SH3RF3: variants seen among roughly 807,000 people sequenced by gnomAD.
SH3RF3 encodes the protein E3 ubiquitin-protein ligase SH3RF3.
Under a neutral mutation model 66.3 loss-of-function variants are expected in SH3RF3, and 29 were observed. The observed-to-expected ratio is 0.44, with a 90% CI of 0.33 to 0.60. The LOEUF (loss-of-function observed/expected upper bound fraction) is 0.60. Among genes scored for constraint, SH3RF3 ranks in the 20% least tolerant of loss-of-function variants. SH3RF3 has a pLI of 0.04. For missense variants in SH3RF3, 1,194 were observed against 1,190.9 expected, an observed-to-expected ratio of 1.00 and a Z score of -0.04; for synonymous variants, 583 against 532.0, an observed-to-expected ratio of 1.10 and a Z score of -1.32.
chr2:109,272,257 C>A (rs941153917), intron 1 of SH3RF3, among the ~76,000 whole-genome samples: 4 of 152,236 alleles, frequency 2.6e-5, no homozygotes, highest in Non-Finnish European at 5.9e-5. Context: ...TAGGTGAAAT[C>A]TCTAGCAATT....
chr2:109,201,537 TC>T (rs1678676520), intron 1 of SH3RF3, among the ~76,000 whole-genome samples: 1 of 152,262 alleles, frequency 6.6e-6, no homozygotes, highest in South Asian at 2.1e-4. Context: ...GGGTCTCCCC[TC>T]CCTGGTTTGG....
intron 1 of SH3RF3, among the ~76,000 whole-genome samples, chr2:109,202,048 CT>C (rs1678687933): frequency 6.6e-6 from 1 of 151,464 alleles, no homozygotes; most frequent in Non-Finnish European, 1.5e-5. Flanking sequence ...TGGAGCCTGG[CT>C]GGGTCTCGTG....
chr2:109,391,697 G>C (rs1676002291), intron 3 of SH3RF3, among the ~76,000 whole-genome samples: 1 of 152,194 alleles, frequency 6.6e-6, no homozygotes, highest in Non-Finnish European at 1.5e-5. Flanking sequence ...TTGTCCACAG[G>C]CCTCTGAGGC....
intron 1 of SH3RF3, among the ~76,000 whole-genome samples, chr2:109,322,817 AATCTCCCCAC>A (rs1682058052): frequency 6.6e-6 from 1 of 152,240 alleles, no homozygotes; most frequent in Non-Finnish European, 1.5e-5. Context: ...GGTGCCTGCA[AATCTCCCCAC>A]ATCAGGATAT....
At chr2:109,281,153 T>A (rs947144602) in intron 1 of SH3RF3, among the ~76,000 whole-genome samples, 1 of 151,948 alleles carries the variant, frequency 6.6e-6, no homozygotes, top group Non-Finnish European at 1.5e-5. Context: ...GGAAATGGAG[T>A]GCCACCTGCA....
intron 1 of SH3RF3, among the ~76,000 whole-genome samples, chr2:109,327,754 TTA>T (rs1682191755): frequency 1.3e-5 from 2 of 152,272 alleles, no homozygotes; most frequent in South Asian, 4.1e-4. Flanking sequence ...GTATTTTTAA[TTA>T]TATATTTTAG....
intron 6 of SH3RF3, among the ~76,000 whole-genome samples, chr2:109,436,629 AG>A (rs1326347970): frequency 1.3e-5 from 2 of 152,250 alleles, no homozygotes; most frequent in Non-Finnish European, 2.9e-5. Flanking sequence ...GTGGTATAAA[AG>A]ATTTCGTTCA....
chr2:109,400,835 C>T (rs1195047390), intron 4 of SH3RF3, among the ~76,000 whole-genome samples: 2 of 152,224 alleles, frequency 1.3e-5, no homozygotes, highest in East Asian at 3.9e-4. Flanking sequence ...TGGATGCTCC[C>T]ACAGCCTGTG....
intron 1 of SH3RF3, among the ~76,000 whole-genome samples, chr2:109,175,669 A>G (rs571606585): frequency 1.3e-5 from 2 of 152,354 alleles, no homozygotes; most frequent in African/African-American, 4.8e-5. Context: ...AATCAGTAAT[A>G]GGACACATTT....
intron 4 of SH3RF3, among the ~76,000 whole-genome samples, chr2:109,400,341 T>G (rs1251338835): frequency 6.6e-6 from 1 of 151,950 alleles, no homozygotes; most frequent in Non-Finnish European, 1.5e-5. Context: ...CACCCACACA[T>G]GTGCACTTAC....
intron 7 of SH3RF3, among the ~76,000 whole-genome samples, chr2:109,447,234 C>T (rs1055206028): frequency 1.3e-5 from 2 of 151,128 alleles, no homozygotes; most frequent in African/African-American, 4.9e-5. Context: ...TGTATTTCAC[C>T]TCGTAGAAAC....
intron 8 of SH3RF3, among the ~76,000 whole-genome samples, chr2:109,481,775 C>T (rs980364150): frequency 3.9e-5 from 6 of 152,180 alleles, no homozygotes; most frequent in Non-Finnish European, 7.4e-5. Context: ...TCGGCCTCCC[C>T]TCTGCACCGA....
intron 2 of SH3RF3, among the ~76,000 whole-genome samples, chr2:109,360,944 T>G (rs1683040729): frequency 6.6e-6 from 1 of 152,238 alleles, no homozygotes; most frequent in South Asian, 2.1e-4. Context: ...TTTCTCGTAA[T>G]TAGGTGAACT....
chr2:109,427,299 C>T (rs919624813), intron 5 of SH3RF3, among the ~76,000 whole-genome samples: 29 of 151,272 alleles, frequency 1.9e-4, no homozygotes, highest in Non-Finnish European at 4.1e-4. Context: ...AAGGTACTTA[C>T]ATTTTTTTAG....
At chr2:109,424,887 A>G (rs1365460201) in intron 5 of SH3RF3, among the ~76,000 whole-genome samples, 1 of 152,194 alleles carries the variant, frequency 6.6e-6, no homozygotes. Flanking sequence ...AACATCTCTC[A>G]CTTTAAGTCA....
chr2:109,321,080 C>A (rs1305170138), intron 1 of SH3RF3, among the ~76,000 whole-genome samples: 2 of 152,186 alleles, frequency 1.3e-5, no homozygotes, highest in African/African-American at 4.8e-5. Context: ...ATGATTACTA[C>A]TGATAATGAT....
rs1679480120 is a variant in SH3RF3, at chr2:109,504,501, AC to A, written c.*2831del. The stretch of plus-strand genomic sequence containing the variant: ...TTTGTACTTTGCACAGTTCACACAC[AC>A]AAACACACACACCCTATCCCAAGTG... On this transcript the variant is annotated 3_prime_UTR_variant, in exon 10 of 10. Coordinates refer to ENST00000309415, the MANE Select transcript of SH3RF3 (RefSeq NM_001099289.3). 1 of 101,428 alleles carries A rather than the reference AC, an allele frequency of 9.9e-6. No homozygotes were observed. Among genetic ancestry groups the A allele is most frequent in the Non-Finnish European group, 2.7e-5 (1 of 36,642 alleles). The allele number at this position is 101,428 out of a possible 1,614,324, so 6.3% of individuals were successfully genotyped here. A position where few individuals can be genotyped will look rare whatever the true frequency, so the allele number is the denominator to read the frequency against.
intron 1 of SH3RF3, among the ~76,000 whole-genome samples, chr2:109,221,095 G>A (rs915434972): frequency 6.6e-5 from 10 of 152,220 alleles, no homozygotes; most frequent in African/African-American, 2.2e-4. Context: ...GTTATGACAC[G>A]TGCTGCATGG....
At chr2:109,367,952 C>T (rs752734795) in intron 2 of SH3RF3, among the ~76,000 whole-genome samples, 1 of 152,220 alleles carries the variant, frequency 6.6e-6, no homozygotes, top group Non-Finnish European at 1.5e-5. Flanking sequence ...TACTGGCCAC[C>T]ACTGTGAGTT....
Sources: gnomAD v4.1 joint callset for allele counts (sites outside exome capture counted in the v4.1 genomes callset) on GRCh38, gnomAD v4.1.1 for gene constraint, MANE v1.5 for transcripts, NCBI Gene and HGNC (gene_info 2026-07-23, HGNC 2026-07-21) for gene names.